The following SPATA13 variants were observed in gnomAD, a reference collection of about 807,000 sequenced individuals.
The protein encoded by SPATA13 is spermatogenesis-associated protein 13.
In SPATA13, 50 loss-of-function variants were observed where a neutral mutation model predicts 104.0. The ratio of observed to expected loss-of-function variants is 0.48; its 90% CI spans 0.38 to 0.61. The LOEUF (loss-of-function observed/expected upper bound fraction) is 0.61. SPATA13 is among the 20% of genes least tolerant of loss of function. SPATA13 has a pLI of 0.00. For missense variants in SPATA13, 1,524 were observed against 1,690.6 expected, an observed-to-expected ratio of 0.90 and a Z score of 1.73; for synonymous variants, 606 against 667.5, an observed-to-expected ratio of 0.91 and a Z score of 1.42.
intron 3 of SPATA13, among the ~76,000 whole-genome samples, chr13:24,054,946 C>T (rs957172241): frequency 2.0e-5 from 3 of 152,188 alleles, no homozygotes; most frequent in African/African-American, 7.2e-5. Flanking sequence ...TAGCTAGCTA[C>T]CTTTCAGAAG....
intron 3 of SPATA13, among the ~76,000 whole-genome samples, chr13:24,105,444 CTT>C (rs764465032): frequency 5.6e-5 from 8 of 143,034 alleles, no homozygotes; most frequent in Admixed American, 1.4e-4. Context: ...TGACTTCTTA[CTT>C]TTTTTTTTTT....
chr13:24,256,094 C>G (rs1048614256), intron 4 of SPATA13, among the ~76,000 whole-genome samples: 1 of 152,186 alleles, frequency 6.6e-6, no homozygotes, highest in Non-Finnish European at 1.5e-5. Context: ...TGGCAAAAGA[C>G]TGATAATCGT....
chr13:24,306,035 A>C lies in SPATA13; in HGVS notation c.*3262A>C, dbSNP rs1012433427. 2.0e-5 allele frequency: 3 copies of C among 152,128 alleles called. No homozygotes were observed. Among genetic ancestry groups the C allele is most frequent in the Non-Finnish European group, 4.4e-5 (3 of 68,018 alleles). The allele number at this position is 152,128 out of a possible 1,614,324, so 9.4% of individuals were successfully genotyped here. On this transcript the variant is annotated 3_prime_UTR_variant, in exon 13 of 13. Coordinates refer to ENST00000382108, the MANE Select transcript of SPATA13 (RefSeq NM_001166271.3). Reference sequence around the variant, plus strand: ...TCATTAGATCTGATTTTTGTTTCCCACTGTAGATCTGATTTTGTAGTTGAA... The same window carrying C: ...TCATTAGATCTGATTTTTGTTTCCCCCTGTAGATCTGATTTTGTAGTTGAA...
intron 2 of SPATA13, among the ~76,000 whole-genome samples, chr13:24,014,857 T>C (rs1403611434): frequency 6.7e-6 from 1 of 150,164 alleles, no homozygotes; most frequent in Non-Finnish European, 1.5e-5. Flanking sequence ...GAGATCCAGG[T>C]TCCCTTTTTG....
rs529261801 is a variant in SPATA13, at chr13:24,167,863, C to T, written c.-112+6931C>T. 1.1e-4 allele frequency among the ~76,000 whole-genome samples: 17 copies of T among 152,316 alleles called. No individual in the cohort carries two copies. In the South Asian group the frequency reaches 3.5e-3, roughly 32 times the overall value. ...TTCTTCCTTCATTCATTGTTTTATT[C>T]ATTCAGCAAATGTTGAGCAACTGCA... On this transcript the variant is annotated intron_variant, in intron 1 of 12. Transcript: ENST00000382108.
At chr13:24,101,963 A>G (rs1202351817) in intron 3 of SPATA13, among the ~76,000 whole-genome samples, 1 of 152,196 alleles carries the variant, frequency 6.6e-6, no homozygotes, top group Non-Finnish European at 1.5e-5. Flanking sequence ...ATATCTGCTC[A>G]AGACCTTGCT....
Position 24,297,443 on chromosome 13 carries a change from G to T in SPATA13, c.3291G>T (p.Gln1097His), listed in dbSNP as rs778120365. ...LTKITKQGKSQQRTFFLFDHQ... is the reference protein window; with the variant it reads ...LTKITKQGKSHQRTFFLFDHQ... ...AAATCACTAAGCAAGGCAAAAGCCA[G>T]CAGCGGACGTTCTTCCTGTTTGACC... The change falls in exon 11 of 13, where the codon CAG becomes CAT. Residue 1097 changes from glutamine to histidine, a missense_variant. Gln to His is a conservative substitution (Grantham distance 24). Coordinates refer to ENST00000382108, the MANE Select transcript of SPATA13 (RefSeq NM_001166271.3). 3.0e-5 allele frequency: 48 copies of T among 1,614,044 alleles called. No homozygotes were observed. In the South Asian group the frequency reaches 5.3e-4, roughly 18 times the overall value.
intron 4 of SPATA13, chr13:24,270,575 T>C (rs1874525747): frequency 1.9e-6 from 1 of 515,816 alleles, no homozygotes; most frequent in Non-Finnish European, 3.4e-6. Context: ...GTGAGTGTGT[T>C]TGTCTTTGGT....
chr13:24,143,252 G>T (rs1202699685), intron 3 of SPATA13, among the ~76,000 whole-genome samples: 1 of 152,182 alleles, frequency 6.6e-6, no homozygotes, highest in Admixed American at 6.5e-5. Flanking sequence ...CTAGACGGAA[G>T]CCCCTGGTGT....
At chr13:24,003,267 A>T (rs550807142) in intron 2 of SPATA13, among the ~76,000 whole-genome samples, 1 of 152,306 alleles carries the variant, frequency 6.6e-6, no homozygotes, top group East Asian at 1.9e-4. Flanking sequence ...GGATTAAGCC[A>T]TTTTGATGTT....
At chr13:24,053,409 T>C (rs2137745229) in intron 3 of SPATA13, among the ~76,000 whole-genome samples, 2 of 152,268 alleles carry the variant, frequency 1.3e-5, no homozygotes, top group East Asian at 3.9e-4. Context: ...CATAACAAAA[T>C]TCGGGTAGAA....
In SPATA13 at chr13:24,302,459, CAAAAAAAA is replaced by C. The variant is rs71070678; in HGVS notation, c.3659-116_3659-109del. ...CCTGGGTGACAGTAAGACCCTGTCT[CAAAAAAAA>C]AAAAAAAAAAAAAAAAAAAAAAGAA... On this transcript the variant is annotated intron_variant, in intron 12 of 12. Transcript: ENST00000382108. 293 of 193,942 alleles carry C rather than the reference CAAAAAAAA, an allele frequency of 1.5e-3. 3 individuals are homozygous for C. Among genetic ancestry groups the C allele is most frequent in the African/African-American group, 5.8e-3 (139 of 23,896 alleles). The allele number at this position is 193,942 out of a possible 1,614,324, so 12.0% of individuals were successfully genotyped here.
At chr13:23,997,337 TGATCCGACC>T (rs1875746963) in intron 2 of SPATA13, among the ~76,000 whole-genome samples, 1 of 152,182 alleles carries the variant, frequency 6.6e-6, no homozygotes, top group African/African-American at 2.4e-5. Flanking sequence ...ATGTCCCCTG[TGATCCGACC>T]GTCCCCATAC....
intron 1 of SPATA13, among the ~76,000 whole-genome samples, chr13:24,177,876 T>C (rs1868531132): frequency 6.6e-6 from 1 of 152,058 alleles, no homozygotes; most frequent in Non-Finnish European, 1.5e-5. Context: ...AATTTTTTTT[T>C]AATTGGGCCT....
At chr13:24,015,350 A>T (rs1292584431) in intron 2 of SPATA13, among the ~76,000 whole-genome samples, 3 of 152,230 alleles carry the variant, frequency 2.0e-5, no homozygotes, top group Admixed American at 2.0e-4. Flanking sequence ...GAACCTAAGT[A>T]AAAGCCTTAG....
chr13:24,153,989 C>A (rs373612208), intron 3 of SPATA13, among the ~76,000 whole-genome samples: 68 of 152,234 alleles, frequency 4.5e-4, no homozygotes, highest in African/African-American at 1.5e-3. Context: ...CAACTCTGAG[C>A]GGTGGGAACT....
intron 1 of SPATA13, among the ~76,000 whole-genome samples, chr13:24,214,267 A>G (rs1871173706): frequency 6.6e-6 from 1 of 152,260 alleles, no homozygotes; most frequent in Non-Finnish European, 1.5e-5. Context: ...GGCCAGATGC[A>G]TGTACAATAA....
chr13:24,159,494 C>T (rs951304669), upstream of SPATA13, among the ~76,000 whole-genome samples: 1 of 152,114 alleles, frequency 6.6e-6, no homozygotes, highest in African/African-American at 2.4e-5. Flanking sequence ...GATGTACTCC[C>T]TCACGCCCCT....
intron 3 of SPATA13, among the ~76,000 whole-genome samples, chr13:24,103,484 C>CAAAAAAAAAA (rs34983901): frequency 1.0e-4 from 7 of 69,838 alleles, no homozygotes; most frequent in African/African-American, 1.4e-4. Flanking sequence ...GACCCTGTCT[C>CAAAAAAAAAA]AAAAAAAAAA....
Sources: gnomAD v4.1 joint callset for allele counts (sites outside exome capture counted in the v4.1 genomes callset) on GRCh38, gnomAD v4.1.1 for gene constraint, MANE v1.5 for transcripts, NCBI Gene and HGNC (gene_info 2026-07-23, HGNC 2026-07-21) for gene names.